Variants in WWC2 observed in about 807,000 individuals in gnomAD.
WWC2 encodes WW and C2 domain containing 2.
WWC2 carries 101 observed loss-of-function variants against 138.5 expected under a neutral mutation model. The observed-to-expected ratio is 0.73, with a 90% confidence interval of 0.62 to 0.86. The LOEUF is 0.86. Ranked by LOEUF, WWC2 falls within the 40% of genes least tolerant of loss-of-function variation. The pLI is 0.00. For synonymous variants in WWC2, 558 were observed against 538.4 expected, an observed-to-expected ratio of 1.04 and a Z score of -0.50; for missense variants, 1,420 against 1,419.4, an observed-to-expected ratio of 1.00 and a Z score of -0.01.
chr4:183,105,135 C>G (rs937496071), intron 1 of WWC2, among the ~76,000 whole-genome samples: 1 of 152,186 alleles, frequency 6.6e-6, no homozygotes, highest in Non-Finnish European at 1.5e-5. Context: ...TCTCAAACTC[C>G]TGACCTCAAG....
chr4:183,113,022 C>T (rs1471140523), intron 1 of WWC2, among the ~76,000 whole-genome samples: 1 of 152,018 alleles, frequency 6.6e-6, no homozygotes, highest in Non-Finnish European at 1.5e-5. Context: ...CGTGTAATCC[C>T]AGCACTTTGG....
chr4:183,243,464 A>T (rs977107385), intron 5 of WWC2, among the ~76,000 whole-genome samples: 2 of 152,210 alleles, frequency 1.3e-5, no homozygotes, highest in African/African-American at 4.8e-5. Context: ...GGTGGATATA[A>T]TACTTCAGGG....
At position 183,261,281 on chromosome 4, in the gene WWC2, C is replaced by T; in HGVS notation, c.1658C>T (p.Ser553Phe). The change falls in exon 11 of 23, where the codon TCC becomes TTC. Residue 553 changes from serine to phenylalanine, a missense_variant. Physicochemically the swap from Ser to Phe is radical, Grantham distance 155 (BLOSUM62 -2). Coordinates refer to ENST00000403733, the MANE Select transcript of WWC2 (RefSeq NM_024949.6). ...VASLSSRSSL[S>F]SLSPPGSPLV... ...TCCCTGTCCTCGAGGTCCTCCCTTT[C>T]CTCCTTGTCTCCTCCAGGCTCTCCC... The T allele has an allele frequency of 6.2e-7, 1 of 1,613,568 alleles. No homozygotes were observed. The highest frequency in any genetic ancestry group is 8.5e-7 in the Non-Finnish European group (1 of 1,179,760).
At chr4:183,269,258 C>G (rs1737620238) in intron 15 of WWC2, 95 bp downstream of exon 15, 1 of 1,194,808 alleles carries the variant, frequency 8.4e-7, no homozygotes, top group South Asian at 1.5e-5. Flanking sequence ...CCCTAGAAAT[C>G]ACTACAGACC....
At chr4:183,171,444 A>G (rs1580009387) in intron 1 of WWC2, among the ~76,000 whole-genome samples, 2 of 152,186 alleles carry the variant, frequency 1.3e-5, no homozygotes, top group African/African-American at 2.4e-5. Flanking sequence ...TATATTATGT[A>G]TTTTGGAGTA....
chr4:183,162,607 C>T (rs1004147498), intron 1 of WWC2, among the ~76,000 whole-genome samples: 1 of 152,034 alleles, frequency 6.6e-6, no homozygotes, highest in African/African-American at 2.4e-5. Context: ...ACTGACATTT[C>T]TTCATCTTCC....
intron 1 of WWC2, among the ~76,000 whole-genome samples, chr4:183,157,791 G>A (rs1197087420): frequency 6.7e-6 from 1 of 148,252 alleles, no homozygotes; most frequent in Non-Finnish European, 1.5e-5. Context: ...GTGAGCCACC[G>A]CGCCCAACTG....
chr4:183,234,523 C>T (rs577350479), intron 4 of WWC2, among the ~76,000 whole-genome samples: 8 of 152,270 alleles, frequency 5.3e-5, no homozygotes, highest in Non-Finnish European at 8.8e-5. Flanking sequence ...TGCTACAATT[C>T]TAATTTGTCT....
At chr4:183,137,789 G>A (rs943843346) in intron 1 of WWC2, among the ~76,000 whole-genome samples, 3 of 152,140 alleles carry the variant, frequency 2.0e-5, no homozygotes, top group Admixed American at 6.5e-5. Context: ...GTGAGCCACC[G>A]TGCCTGGCCT....
chr4:183,121,420 TTC>T (rs1732596657), intron 1 of WWC2, among the ~76,000 whole-genome samples: 1 of 152,074 alleles, frequency 6.6e-6, no homozygotes, highest in Non-Finnish European at 1.5e-5. Context: ...AAATCCAAAA[TTC>T]ATAATGCTCC....
chr4:183,152,530 T>TAA lies in WWC2; in HGVS notation c.132-41054_132-41053dup, dbSNP rs572757609. 8.0e-4 allele frequency among the ~76,000 whole-genome samples: 101 copies of TAA among 126,266 alleles called. 1 individual carries two copies. The highest frequency in any genetic ancestry group is 2.7e-3 in the African/African-American group (89 of 33,454). The allele number at this position is 126,266 out of a possible 152,430, so 82.8% of individuals were successfully genotyped here. A position where few individuals can be genotyped will look rare whatever the true frequency, so the allele number is the denominator to read the frequency against. On this transcript the variant is annotated intron_variant, in intron 1 of 22. Transcript: ENST00000403733. ...AAAAGAAAAAAGGTAAAGTGAAACT[T>TAA]AAAAAAAAAAAAAAAACGCACACAC... is the stretch of plus-strand genomic sequence containing the variant.
chr4:183,150,906 T>TA (rs1310700683), intron 1 of WWC2, among the ~76,000 whole-genome samples: 4 of 152,194 alleles, frequency 2.6e-5, no homozygotes, highest in African/African-American at 4.8e-5. Flanking sequence ...CCATGGTGTA[T>TA]ATGTGCCACA....
intron 5 of WWC2, among the ~76,000 whole-genome samples, chr4:183,243,780 T>C (rs1736687417): frequency 7.0e-6 from 1 of 141,892 alleles, no homozygotes; most frequent in African/African-American, 2.9e-5. Flanking sequence ...TGTGTGTGTG[T>C]GTGTGTGTGT....
At chr4:183,179,084 G>A (rs1026984183) in intron 1 of WWC2, among the ~76,000 whole-genome samples, 20 of 152,142 alleles carry the variant, frequency 1.3e-4, no homozygotes, top group Admixed American at 1.0e-3. Flanking sequence ...TATTAAAAAC[G>A]AGGTAGCAAC....
rs985414929 is a variant in WWC2, at chr4:183,320,482, A to G, written c.*4753A>G. On this transcript the variant is annotated 3_prime_UTR_variant, in exon 23 of 23. Coordinates refer to ENST00000403733, the MANE Select transcript of WWC2 (RefSeq NM_024949.6). ...CTGTGGGCTGGATTTGACAGAAAGC[A>G]GTTTGTCACTGAAATATAATTAAGT... 1 of 481,052 alleles carries G rather than the reference A, an allele frequency of 2.1e-6. No homozygotes were observed. Among genetic ancestry groups the G allele is most frequent in the Non-Finnish European group, 3.7e-6 (1 of 266,806 alleles). The allele number at this position is 481,052 out of a possible 1,614,324, so 29.8% of individuals were successfully genotyped here.
intron 4 of WWC2, among the ~76,000 whole-genome samples, chr4:183,239,686 G>C (rs1370109423): frequency 2.0e-5 from 3 of 152,158 alleles, no homozygotes; most frequent in African/African-American, 7.2e-5. Context: ...GGCAGGGGCA[G>C]GGGGGCTAGA....
rs1019039288 is a variant in WWC2, at chr4:183,197,296, C to T, written c.241+3588C>T. On this transcript the variant is annotated intron_variant, in intron 2 of 22. Transcript: ENST00000403733. ...CAGCAAACAGTTCACCCACTGAAAA[C>T]GATCTGGTCCATTGTCTCATTAATC... is the stretch of plus-strand genomic sequence containing the variant. 7.9e-5 allele frequency among the ~76,000 whole-genome samples: 12 copies of T among 152,162 alleles called. No individual in the cohort carries two copies. In the East Asian group the frequency reaches 1.2e-3, roughly 15 times the overall value.
intron 4 of WWC2, among the ~76,000 whole-genome samples, chr4:183,218,631 AG>A (rs1335879799): frequency 6.6e-6 from 1 of 152,222 alleles, no homozygotes; most frequent in Non-Finnish European, 1.5e-5. Flanking sequence ...GAGCCAGTAC[AG>A]TTCCAGTCCA....
intron 1 of WWC2, among the ~76,000 whole-genome samples, chr4:183,130,469 G>GTGT (rs1172189848): frequency 6.6e-6 from 1 of 152,230 alleles, no homozygotes; most frequent in Non-Finnish European, 1.5e-5. Flanking sequence ...AACTTTGGAT[G>GTGT]TGTTCAGTTT....
Sources: gnomAD v4.1 joint callset for allele counts (sites outside exome capture counted in the v4.1 genomes callset) on GRCh38, gnomAD v4.1.1 for gene constraint, MANE v1.5 for transcripts, NCBI Gene and HGNC (gene_info 2026-07-23, HGNC 2026-07-21) for gene names.